Variants in PHKB observed in about 807,000 individuals in gnomAD.
PHKB encodes phosphorylase b kinase regulatory subunit beta.
Under a neutral mutation model 152.1 loss-of-function variants are expected in PHKB, and 122 were observed. The ratio of observed to expected loss-of-function variants is 0.80; its 90% CI spans 0.69 to 0.93. PHKB has a LOEUF of 0.93. PHKB is among the 40% of genes least tolerant of loss of function. PHKB has a pLI of 0.00. For synonymous variants in PHKB, 436 were observed against 464.9 expected (o/e 0.94, Z 0.80); for missense variants, 1,304 against 1,328.4 (o/e 0.98, Z 0.29).
intron 6 of PHKB, chr16:47,529,195 A>G (rs951522900): frequency 1.1e-4 from 16 of 152,234 alleles, no homozygotes; most frequent in Admixed American, 7.8e-4. Flanking sequence ...AAGAGGCTTT[A>G]AAGAAGTTTC....
intron 26 of PHKB, among the ~76,000 whole-genome samples, chr16:47,680,451 G>A (rs1973828541): frequency 6.6e-6 from 1 of 152,192 alleles, no homozygotes; most frequent in African/African-American, 2.4e-5. Context: ...TTCAGAGCCT[G>A]TTATTAGTCT....
intron 7 of PHKB, among the ~76,000 whole-genome samples, chr16:47,574,371 C>T (rs1971715715): frequency 6.6e-6 from 1 of 152,194 alleles, no homozygotes; most frequent in Non-Finnish European, 1.5e-5. Flanking sequence ...TCACCTGACT[C>T]ACCATGTAGG....
At chr16:47,663,823 T>C (rs1597160849) in intron 24 of PHKB, 89 bp downstream of exon 24, 1 of 827,132 alleles carries the variant, frequency 1.2e-6, no homozygotes, top group East Asian at 2.5e-5. Context: ...TAAAGATAGT[T>C]ATTCATCCTA....
In PHKB at chr16:47,660,625, GA is replaced by G. The variant is rs1287244806; in HGVS notation, c.2034-28del. On this transcript the variant is annotated intron_variant, in intron 21 of 30. Coordinates refer to ENST00000323584, the MANE Select transcript of PHKB (RefSeq NM_000293.3). ...TTTTTGAAATTACATTAGAAAAGCA[GA>G]AAATATGAAACCTTTTCTTTTAATT... 3 of 1,613,074 alleles carry G rather than the reference GA, an allele frequency of 1.9e-6. No homozygotes were observed. The South Asian group carries it at 3.3e-5, about 18-fold the overall frequency.
At chr16:47,579,325 C>G (rs1971803341) in intron 7 of PHKB, among the ~76,000 whole-genome samples, 1 of 152,170 alleles carries the variant, frequency 6.6e-6, no homozygotes, top group South Asian at 2.1e-4. Flanking sequence ...AACAGTAGCT[C>G]TCAAACTTAA....
chr16:47,625,335 G>A (rs1972690440), intron 14 of PHKB, among the ~76,000 whole-genome samples: 1 of 152,218 alleles, frequency 6.6e-6, no homozygotes, highest in African/African-American at 2.4e-5. Context: ...ATTATATTGA[G>A]TCTTTTCCTT....
intron 13 of PHKB, among the ~76,000 whole-genome samples, chr16:47,601,819 T>C (rs2151704714): frequency 6.6e-6 from 1 of 152,336 alleles, no homozygotes; most frequent in Admixed American, 6.5e-5. Flanking sequence ...CAGGTACTAC[T>C]ACATTATCCC....
At chr16:47,547,689 A>C in intron 7 of PHKB, 141 bp downstream of exon 7, 1 of 631,048 alleles carries the variant, frequency 1.6e-6, no homozygotes, top group South Asian at 1.8e-5. Context: ...TGCAGATGGA[A>C]GTCACTTAAA....
chr16:47,608,355 G>A (rs1364670250), intron 13 of PHKB, among the ~76,000 whole-genome samples: 3 of 152,088 alleles, frequency 2.0e-5, no homozygotes, highest in Non-Finnish European at 4.4e-5. Context: ...TTTTATATAT[G>A]GTGTGAGGAA....
intron 6 of PHKB, among the ~76,000 whole-genome samples, chr16:47,541,514 T>G (rs188245137): frequency 6.6e-6 from 1 of 152,252 alleles, no homozygotes; most frequent in Non-Finnish European, 1.5e-5. Context: ...ATATACCCAG[T>G]AATGGGATGG....
Position 47,497,463 on chromosome 16 carries a change from T to A in PHKB, c.141T>A (p.Asp47Glu). 6 of 1,608,212 alleles carry A rather than the reference T, an allele frequency of 3.7e-6. No homozygotes were observed. Among genetic ancestry groups the A allele is most frequent in the Non-Finnish European group, 5.1e-6 (6 of 1,176,238 alleles). ...LPRPDNETLW[D>E]KLDHYYRIVK... ...GACCTGATAATGAAACTCTCTGGGA[T>A]AAGTTGGACCATTATTACAGAATTG... The change falls in exon 2 of 31, where the codon GAT (aspartate) becomes GAA (glutamate). Residue 47 changes from aspartate to glutamate, a missense_variant. Asp to Glu is a conservative substitution (Grantham distance 45, BLOSUM62 2). Coordinates refer to ENST00000323584, the MANE Select transcript of PHKB (RefSeq NM_000293.3).
intron 14 of PHKB, among the ~76,000 whole-genome samples, chr16:47,626,039 A>G (rs1972703240): frequency 6.6e-6 from 1 of 152,214 alleles, no homozygotes; most frequent in Admixed American, 6.5e-5. Context: ...TCTTTCTGCC[A>G]TCCTAGTGCT....
At chr16:47,556,252 C>T (rs968073517) in intron 7 of PHKB, among the ~76,000 whole-genome samples, 7 of 152,140 alleles carry the variant, frequency 4.6e-5, no homozygotes, top group African/African-American at 1.7e-4. Flanking sequence ...TAATTGAATG[C>T]CCTTTATTTC....
At chr16:47,490,041 C>T (rs1002616826) in intron 1 of PHKB, among the ~76,000 whole-genome samples, 3 of 152,096 alleles carry the variant, frequency 2.0e-5, no homozygotes, top group Non-Finnish European at 1.5e-5. Flanking sequence ...TTCCTTCACA[C>T]TGAAAAACAA....
intron 7 of PHKB, among the ~76,000 whole-genome samples, chr16:47,558,003 G>C (rs1033866208): frequency 1.3e-5 from 2 of 151,640 alleles, no homozygotes; most frequent in South Asian, 2.1e-4. Flanking sequence ...AACAATGATA[G>C]ACTGGATTAA....
chr16:47,535,249 T>C (rs1214724784), intron 6 of PHKB, among the ~76,000 whole-genome samples: 2 of 152,224 alleles, frequency 1.3e-5, no homozygotes, highest in African/African-American at 2.4e-5. Flanking sequence ...GAAATGTTTC[T>C]AGTGGTAAAG....
In PHKB at chr16:47,666,039, A is replaced by G. The variant is rs547557019; in HGVS notation, c.2427+1064A>G. ...TTTAGTGCAGGGCAAACAGGTAAGT[A>G]TTTGCTTTTCAGACACTTATTTGGT... On this transcript the variant is annotated intron_variant, in intron 25 of 30. Coordinates refer to ENST00000323584, the MANE Select transcript of PHKB (RefSeq NM_000293.3). The G allele has an allele frequency of 3.1e-6, 5 of 1,594,408 alleles. No homozygotes were observed. The highest frequency in any genetic ancestry group is 2.2e-5 in the South Asian group (2 of 90,606).
chr16:47,623,024 C>T (rs182749219), intron 14 of PHKB, among the ~76,000 whole-genome samples: 172 of 152,258 alleles, frequency 1.1e-3, no homozygotes, highest in African/African-American at 4.1e-3. Flanking sequence ...CTTTGCATCT[C>T]ATACAGGCCT....
At chr16:47,615,269 C>A (rs1398555137) in intron 14 of PHKB, among the ~76,000 whole-genome samples, 11 of 152,140 alleles carry the variant, frequency 7.2e-5, no homozygotes. Context: ...TTGCTTTGAA[C>A]CCTCTGCAGG....
Sources: gnomAD v4.1 joint callset for allele counts (sites outside exome capture counted in the v4.1 genomes callset) on GRCh38, gnomAD v4.1.1 for gene constraint, MANE v1.5 for transcripts, NCBI Gene and HGNC (gene_info 2026-07-23, HGNC 2026-07-21) for gene names.